Variants in CHMP4B observed in about 807,000 individuals in gnomAD.
CHMP4B encodes charged multivesicular body protein 4B.
CHMP4B carries 1 observed loss-of-function variant against 25.1 expected under a neutral mutation model. The observed-to-expected ratio is 0.04, with a 90% CI of 0.01 to 0.19. The LOEUF (loss-of-function observed/expected upper bound fraction) is 0.19, where lower values mean the gene tolerates loss of function less well. Ranked by LOEUF, CHMP4B falls within the 10% of genes least tolerant of loss-of-function variation. The pLI, the probability that CHMP4B is intolerant of heterozygous loss-of-function variation, is 1.00. For synonymous variants in CHMP4B, 101 were observed against 115.6 expected, an observed-to-expected ratio of 0.87 and a Z score of 0.81; for missense variants, 151 against 289.7, an observed-to-expected ratio of 0.52 and a Z score of 3.48.
At chr20:33,830,187 A>C (rs186346228) in intron 1 of CHMP4B, among the ~76,000 whole-genome samples, 171 of 152,302 alleles carry the variant, frequency 1.1e-3, no homozygotes, top group African/African-American at 4.1e-3. Context: ...AAGGAGTGGC[A>C]GAAGCATTTG....
At position 33,811,417 on chromosome 20, in the gene CHMP4B, A is replaced by G; in HGVS notation, c.-52A>G. The G allele has an allele frequency of 1.4e-6, 2 of 1,427,774 alleles. No individual in the cohort carries two copies. Among genetic ancestry groups the G allele is most frequent in the East Asian group, 5.4e-5 (2 of 37,350 alleles). 88.4% of individuals were successfully genotyped at this position (1,427,774 alleles called of 1,614,324 possible). A position where few individuals can be genotyped will look rare whatever the true frequency, so the allele number is the denominator to read the frequency against. On this transcript the variant is annotated 5_prime_UTR_variant, in exon 1 of 5. Coordinates refer to ENST00000217402, the MANE Select transcript of CHMP4B (RefSeq NM_176812.5). Reference sequence around the variant, plus strand: ...GCCGGAGCCGACCCGAGCCGAGCCGAGCCGAGCCGAGCCGGAGCGGGCGGC... The same window carrying G: ...GCCGGAGCCGACCCGAGCCGAGCCGGGCCGAGCCGAGCCGGAGCGGGCGGC...
chr20:33,835,848 CGAGA>C (rs748222787), intron 1 of CHMP4B, among the ~76,000 whole-genome samples: 38 of 151,982 alleles, frequency 2.5e-4, no homozygotes, highest in Non-Finnish European at 4.9e-4. Context: ...ATGTGTGTGG[CGAGA>C]GAGAGAGGAG....
At chr20:33,832,438 C>G (rs888341516) in intron 1 of CHMP4B, among the ~76,000 whole-genome samples, 12 of 152,142 alleles carry the variant, frequency 7.9e-5, no homozygotes, top group African/African-American at 2.9e-4. Context: ...AGGGCCACAC[C>G]AAAGCGCCAG....
At chr20:33,843,827 A>G (rs1293746320) in intron 1 of CHMP4B, among the ~76,000 whole-genome samples, 1 of 152,172 alleles carries the variant, frequency 6.6e-6, no homozygotes, top group South Asian at 2.1e-4. Flanking sequence ...ATATTTGTCT[A>G]CATCTGTTTC....
chr20:33,841,040 C>T (rs768434613), intron 1 of CHMP4B, among the ~76,000 whole-genome samples: 2 of 152,164 alleles, frequency 1.3e-5, no homozygotes, highest in Admixed American at 6.5e-5. Context: ...ATGCCTTTTA[C>T]GGAACACACT....
intron 1 of CHMP4B, among the ~76,000 whole-genome samples, chr20:33,817,982 A>C (rs543858553): frequency 1.3e-5 from 2 of 152,334 alleles, no homozygotes; most frequent in Admixed American, 1.3e-4. Flanking sequence ...TTTACCTTTC[A>C]TCAGTAGTAC....
At chr20:33,813,416 C>T (rs967588009) in intron 1 of CHMP4B, among the ~76,000 whole-genome samples, 5 of 151,852 alleles carry the variant, frequency 3.3e-5, no homozygotes, top group Non-Finnish European at 7.4e-5. Flanking sequence ...AAAACATCAT[C>T]TGGCTGCTCT....
intron 1 of CHMP4B, among the ~76,000 whole-genome samples, chr20:33,835,734 T>C (rs993763027): frequency 2.6e-5 from 4 of 152,224 alleles, no homozygotes; most frequent in African/African-American, 9.6e-5. Context: ...AGAGGTTTAT[T>C]TGGCTCACAG....
In CHMP4B at chr20:33,811,421, G is replaced by T; in HGVS notation, c.-48G>T. ...GAGCCGACCCGAGCCGAGCCGAGCC[G>T]AGCCGAGCCGGAGCGGGCGGCGAAG... On this transcript the variant is annotated 5_prime_UTR_variant, in exon 1 of 5. Coordinates refer to ENST00000217402, the MANE Select transcript of CHMP4B (RefSeq NM_176812.5). 4.9e-6 allele frequency: 7 copies of T among 1,437,814 alleles called. No homozygotes were observed. The highest frequency in any genetic ancestry group is 1.5e-5 in the South Asian group (1 of 66,714). The allele number at this position is 1,437,814 out of a possible 1,614,324, so 89.1% of individuals were successfully genotyped here.
chr20:33,820,806 A>G (rs1978918656), intron 1 of CHMP4B, among the ~76,000 whole-genome samples: 1 of 152,166 alleles, frequency 6.6e-6, no homozygotes, highest in Non-Finnish European at 1.5e-5. Flanking sequence ...GTTTTTTGCG[A>G]AAGAAAAACC....
rs1243962172 is a variant in CHMP4B, at chr20:33,811,474, G to T, written c.6G>T (p.Ser2=). M[S]VFGKLFGAGG... Reference sequence around the variant, plus strand: ...CGGCGCGGCGAGCAGCAACCATGTCGGTGTTCGGGAAGCTGTTCGGGGCTG... The same window carrying T: ...CGGCGCGGCGAGCAGCAACCATGTCTGTGTTCGGGAAGCTGTTCGGGGCTG... The change falls in exon 1 of 5, where the codon TCG becomes TCT. Residue 2 remains serine, a synonymous_variant. Transcript: ENST00000217402. 6.4e-6 allele frequency: 10 copies of T among 1,556,004 alleles called. No homozygotes were observed. Among genetic ancestry groups the T allele is most frequent in the Non-Finnish European group, 6.1e-6 (7 of 1,148,442 alleles).
chr20:33,839,754 C>G (rs1225284872), intron 1 of CHMP4B, among the ~76,000 whole-genome samples: 3 of 152,176 alleles, frequency 2.0e-5, no homozygotes, highest in Non-Finnish European at 4.4e-5. Flanking sequence ...GGGGTAGACG[C>G]TCTTCTGCAA....
intron 1 of CHMP4B, among the ~76,000 whole-genome samples, chr20:33,837,276 G>A (rs1281253957): frequency 6.6e-6 from 1 of 152,120 alleles, no homozygotes; most frequent in East Asian, 1.9e-4. Context: ...ATTTGAGCCT[G>A]GGAGGTGGAG....
At chr20:33,836,581 T>C (rs1370507629) in intron 1 of CHMP4B, among the ~76,000 whole-genome samples, 2 of 152,176 alleles carry the variant, frequency 1.3e-5, no homozygotes, top group African/African-American at 4.8e-5. Context: ...AGATAGCTTT[T>C]TCACACATGG....
chr20:33,852,009 G>T (rs1979864773), intron 3 of CHMP4B, 68 bp from the exon 4 acceptor site: 9 of 1,605,166 alleles, frequency 5.6e-6, no homozygotes, highest in Non-Finnish European at 7.7e-6. Flanking sequence ...CATTAATTAG[G>T]TAGGAGGCAT....
chr20:33,847,297 T>A (rs1203565514), intron 1 of CHMP4B, among the ~76,000 whole-genome samples: 1 of 151,912 alleles, frequency 6.6e-6, no homozygotes, highest in African/African-American at 2.4e-5. Flanking sequence ...TTTTTTTTTT[T>A]AAACAAAGGG....
At chr20:33,822,100 C>T (rs1213630189) in intron 1 of CHMP4B, among the ~76,000 whole-genome samples, 4 of 151,464 alleles carry the variant, frequency 2.6e-5, no homozygotes, top group South Asian at 4.2e-4. Context: ...TTTGGGATTA[C>T]AGGTGTGAGC....
chr20:33,849,778 T>G lies in CHMP4B; in HGVS notation c.368+1134T>G, dbSNP rs117609769. Among the ~76,000 whole-genome samples the G allele has an allele frequency of 1.1e-3, 172 of 152,134 alleles. 3 individuals are homozygous for G. In the East Asian group the frequency reaches 0.032, roughly 29 times the overall value. The stretch of plus-strand genomic sequence containing the variant: ...GCCATCTGTTTTTGTAAATAAAGTT[T>G]TATTATTATTTGAGACAAGGTCTTG... On this transcript the variant is annotated intron_variant, in intron 2 of 4. Transcript: ENST00000217402.
chr20:33,832,956 ATT>A (rs113338093), intron 1 of CHMP4B, among the ~76,000 whole-genome samples: 75,825 of 147,494 alleles, frequency 0.51, 20,153 homozygotes, highest in East Asian at 0.9. Flanking sequence ...TTAAAAAAAA[ATT>A]TTTTTTTTTT....
Sources: allele counts gnomAD v4.1 joint callset (sites outside exome capture counted in the v4.1 genomes callset), GRCh38; gene constraint gnomAD v4.1.1; transcripts MANE v1.5; gene names NCBI Gene and HGNC (gene_info 2026-07-23, HGNC 2026-07-21).